Variants in CCDC146 observed in about 807,000 individuals in gnomAD.
The protein encoded by CCDC146 is coiled-coil domain containing 146.
In CCDC146, 92 loss-of-function variants were observed where a neutral mutation model predicts 119.3. That is an observed-to-expected ratio of 0.77 (90% CI 0.65 to 0.92). The LOEUF is 0.92. Among genes scored for constraint, CCDC146 ranks in the 40% least tolerant of loss-of-function variants. The pLI, the probability that CCDC146 is intolerant of heterozygous loss-of-function variation, is 0.00. For missense variants in CCDC146, 1,000 were observed against 1,103.0 expected, an observed-to-expected ratio of 0.91 and a Z score of 1.32; for synonymous variants, 372 against 371.8, an observed-to-expected ratio of 1.00 and a Z score of -0.01.
intron 17 of CCDC146, among the ~76,000 whole-genome samples, chr7:77,288,068 A>G (rs2150554708): frequency 6.6e-6 from 1 of 152,324 alleles, no homozygotes; most frequent in East Asian, 1.9e-4. Context: ...AGGAAAGGCC[A>G]GGAATACAGA....
At position 77,276,886 on chromosome 7, in the gene CCDC146, C is replaced by T. The variant is rs779556703; in HGVS notation, c.1441-1866C>T. ...AGGAGTTCAAGACCAGCCTGCCCAA[C>T]ATGGTGAAAGCCCATCTCTACTAAA... On this transcript the variant is annotated intron_variant, in intron 11 of 18. Transcript: ENST00000285871. Among the ~76,000 whole-genome samples the T allele has an allele frequency of 2.4e-4, 36 of 152,160 alleles. 1 individual carries two copies. The highest frequency in any genetic ancestry group is 2.9e-4 in the Non-Finnish European group (20 of 68,024).
intron 13 of CCDC146, 22 bp downstream of exon 13, chr7:77,279,123 G>T: frequency 6.3e-7 from 1 of 1,599,010 alleles, no homozygotes. Context: ...AATAACTATT[G>T]GCCTTTCAAA....
chr7:77,250,057 T>C (rs1468407671), intron 4 of CCDC146, among the ~76,000 whole-genome samples: 2 of 152,214 alleles, frequency 1.3e-5, no homozygotes, highest in Non-Finnish European at 2.9e-5. Context: ...AATAACACTA[T>C]ACCACTTCAA....
At chr7:77,171,169 C>G (rs1178319272) in intron 2 of CCDC146, among the ~76,000 whole-genome samples, 1 of 152,204 alleles carries the variant, frequency 6.6e-6, no homozygotes, top group Admixed American at 6.5e-5. Context: ...TCAACACACA[C>G]TTATGATGTA....
At chr7:77,285,620 A>C (rs889959124) in intron 15 of CCDC146, among the ~76,000 whole-genome samples, 4 of 152,224 alleles carry the variant, frequency 2.6e-5, no homozygotes, top group African/African-American at 7.2e-5. Flanking sequence ...TAGAGAAGAT[A>C]AATGATTTAC....
chr7:77,147,229 T>A (rs11972514), intron 1 of CCDC146, among the ~76,000 whole-genome samples: 2 of 152,242 alleles, frequency 1.3e-5, no homozygotes, highest in African/African-American at 4.8e-5. Context: ...GCATTCATCA[T>A]GTAGTTCTCA....
chr7:77,165,135 A>G (rs940383872), intron 1 of CCDC146, among the ~76,000 whole-genome samples: 16 of 152,126 alleles, frequency 1.1e-4, no homozygotes, highest in Non-Finnish European at 1.0e-4. Flanking sequence ...AAGTGGACCA[A>G]TGGAGCCCTT....
At chr7:77,158,353 T>G (rs1212606554) in intron 1 of CCDC146, among the ~76,000 whole-genome samples, 1 of 152,154 alleles carries the variant, frequency 6.6e-6, no homozygotes, top group Admixed American at 6.5e-5. Context: ...GCCAGGAATT[T>G]AAGGTGTTAT....
In CCDC146 at chr7:77,198,507, G is replaced by A. The variant is rs1791918747; in HGVS notation, c.156+30683G>A. ...TAAAGTTAATTCAAGTAATTTGGATGGTGAGGATGGGTTCTACTTCTATCT... is the reference window on the plus strand; with the variant it reads ...TAAAGTTAATTCAAGTAATTTGGATAGTGAGGATGGGTTCTACTTCTATCT... On this transcript the variant is annotated intron_variant, in intron 2 of 18. Transcript: ENST00000285871. The A allele has an allele frequency of 1.9e-5, 3 of 157,512 alleles. No individual in the cohort carries two copies. The East Asian group carries it at 5.7e-4, about 30-fold the overall frequency. The allele number at this position is 157,512 out of a possible 1,614,324, so 9.8% of individuals were successfully genotyped here. A position where few individuals can be genotyped will look rare whatever the true frequency, so the allele number is the denominator to read the frequency against.
intron 4 of CCDC146, among the ~76,000 whole-genome samples, chr7:77,250,854 G>T (rs188213575): frequency 3.0e-4 from 45 of 147,802 alleles, no homozygotes; most frequent in African/African-American, 1.0e-3. Flanking sequence ...TCCAGTTTGG[G>T]TAGTGTCTAG....
intron 2 of CCDC146, among the ~76,000 whole-genome samples, chr7:77,182,243 A>G (rs1026215585): frequency 3.3e-5 from 5 of 152,120 alleles, no homozygotes; most frequent in African/African-American, 9.7e-5. Flanking sequence ...GAAAGAAAAA[A>G]CCCTGATCAT....
chr7:77,255,287 GGGAAGAA>G (rs1048024709), intron 5 of CCDC146: 2 of 152,148 alleles, frequency 1.3e-5, no homozygotes, highest in African/African-American at 4.8e-5. Flanking sequence ...ACCTCTTAAT[GGGAAGAA>G]GGATCAAGAC....
intron 2 of CCDC146, among the ~76,000 whole-genome samples, chr7:77,232,908 A>T (rs1033920799): frequency 2.6e-5 from 4 of 152,132 alleles, no homozygotes; most frequent in Admixed American, 2.0e-4. Context: ...CTGAAACCTG[A>T]AGCTAGAGGG....
intron 4 of CCDC146, among the ~76,000 whole-genome samples, chr7:77,245,369 C>T (rs1282053451): frequency 6.6e-6 from 1 of 152,204 alleles, no homozygotes; most frequent in Admixed American, 6.5e-5. Context: ...TCTCTTCAAC[C>T]TTTGCCTTGC....
chr7:77,152,987 A>T (rs996712884), intron 1 of CCDC146, among the ~76,000 whole-genome samples: 1 of 152,234 alleles, frequency 6.6e-6, no homozygotes, highest in South Asian at 2.1e-4. Flanking sequence ...AAGAGGTTGC[A>T]TACTTTGCCC....
intron 2 of CCDC146, among the ~76,000 whole-genome samples, chr7:77,228,567 C>T (rs1275583610): frequency 6.6e-6 from 1 of 152,194 alleles, no homozygotes; most frequent in Non-Finnish European, 1.5e-5. Context: ...CACTGATGGA[C>T]ATTTAGGTTG....
At chr7:77,132,171 T>G (rs1790794169) in intron 1 of CCDC146, among the ~76,000 whole-genome samples, 1 of 151,774 alleles carries the variant, frequency 6.6e-6, no homozygotes, top group South Asian at 2.1e-4. Context: ...ATAGCAGTTT[T>G]ACATAAACTG....
At chr7:77,181,850 C>T (rs1791594597) in intron 2 of CCDC146, among the ~76,000 whole-genome samples, 1 of 152,026 alleles carries the variant, frequency 6.6e-6, no homozygotes, top group Non-Finnish European at 1.5e-5. Context: ...TTGTGTCATA[C>T]CTTAAAGACT....
At chr7:77,234,471 A>T (rs894291144) in intron 2 of CCDC146, among the ~76,000 whole-genome samples, 1 of 152,238 alleles carries the variant, frequency 6.6e-6, no homozygotes, top group Admixed American at 6.5e-5. Context: ...GCAGTGGCTC[A>T]CGCCTGTAAT....
Sources: allele counts gnomAD v4.1 joint callset (sites outside exome capture counted in the v4.1 genomes callset), GRCh38; gene constraint gnomAD v4.1.1; transcripts MANE v1.5; gene names NCBI Gene and HGNC (gene_info 2026-07-23, HGNC 2026-07-21).